PLD3: variants seen among roughly 807,000 people sequenced by gnomAD.
PLD3 encodes the protein phospholipase D family member 3, also known as 5'-3' exonuclease PLD3.
Under a neutral mutation model 58.4 loss-of-function variants are expected in PLD3, and 31 were observed. The observed-to-expected ratio is 0.53, with a 90% CI of 0.40 to 0.72. The LOEUF is 0.72. Ranked by LOEUF, PLD3 falls within the 30% of genes least tolerant of loss-of-function variation. The pLI, the probability that PLD3 is intolerant of heterozygous loss-of-function variation, is 0.00. For synonymous variants in PLD3, 264 were observed against 273.4 expected (o/e 0.97, Z 0.34); for missense variants, 595 against 659.8 (o/e 0.90, Z 1.08).
chr19:40,376,472 G>A, intron 10 of PLD3, 137 bp from the exon 11 acceptor site: 1 of 775,342 alleles, frequency 1.3e-6, no homozygotes, highest in Non-Finnish European at 2.1e-6. Flanking sequence ...CAGGAACAGG[G>A]TCTGGGAGCC....
chr19:40,369,749 G>T, intron 6 of PLD3, 159 bp from the exon 7 acceptor site: 1 of 651,544 alleles, frequency 1.5e-6, no homozygotes, highest in Non-Finnish European at 2.5e-6. Flanking sequence ...AGATAAGGAA[G>T]TCTTTTAATA....
intron 1 of PLD3, among the ~76,000 whole-genome samples, chr19:40,352,413 G>C (rs2078542053): frequency 6.6e-6 from 1 of 152,162 alleles, no homozygotes; most frequent in African/African-American, 2.4e-5. Flanking sequence ...TACAGATGAT[G>C]AACAACAGGA....
Position 40,377,818 on chromosome 19 carries a change from G to C in PLD3, c.1218G>C (p.Gln406His), listed in dbSNP as rs1268904565. The change falls in exon 12 of 13, where the codon CAG becomes CAC. Residue 406 changes from glutamine to histidine, a missense_variant. Transcript: ENST00000409735. ...KLFVVPADEA[Q>H]ARIPYARVNH... ...TTGTGGTCCCCGCGGATGAGGCCCAGGCTCGAATCCCATATGCCCGTGTCA... is the reference window on the plus strand; with the variant it reads ...TTGTGGTCCCCGCGGATGAGGCCCACGCTCGAATCCCATATGCCCGTGTCA... The C allele has an allele frequency of 3.1e-6, 5 of 1,613,906 alleles. No individual in the cohort carries two copies. Among genetic ancestry groups the C allele is most frequent in the Non-Finnish European group, 4.2e-6 (5 of 1,179,900 alleles).
At chr19:40,370,502 A>C in intron 8 of PLD3, 2 of 278,186 alleles carry the variant, frequency 7.2e-6, no homozygotes, top group Non-Finnish European at 1.4e-5. Context: ...GTGAGACCCC[A>C]TCTCTACCAA....
At chr19:40,374,124 C>T (rs1600334716) in intron 9 of PLD3, among the ~76,000 whole-genome samples, 1 of 152,030 alleles carries the variant, frequency 6.6e-6, no homozygotes, top group African/African-American at 2.4e-5. Context: ...AGGCCATGTG[C>T]AGTGAGGCCC....
chr19:40,356,621 C>G (rs543059666), intron 1 of PLD3: 1 of 152,754 alleles, frequency 6.5e-6, no homozygotes, highest in Non-Finnish European at 1.5e-5. Context: ...AAATGGGGAC[C>G]TGGGGCAGGA....
chr19:40,374,768 C>T (rs1264835788), intron 10 of PLD3, 148 bp downstream of exon 10: 18 of 784,936 alleles, frequency 2.3e-5, no homozygotes, highest in African/African-American at 5.2e-5. Context: ...AGGAGGTGAC[C>T]GGAAGAAGGT....
Position 40,369,924 on chromosome 19 carries a change from G to C in PLD3, c.446G>C (p.Arg149Pro). The change falls in exon 7 of 13, where the codon CGG becomes CCG. Residue 149 changes from arginine (R) to proline (P), a missense_variant. Arg to Pro is a moderately radical substitution (Grantham distance 103). Coordinates refer to ENST00000409735, the MANE Select transcript of PLD3 (RefSeq NM_012268.4). The part of the protein sequence containing the change: ...PSAQQGEEVL[R>P]QLQTLAPKGV... ...TCCCCGCAGGGTGAGGAGGTCCTCC[G>C]GCAGCTGCAGACCCTGGCACCAAAG... 1 of 1,559,274 alleles carries C rather than the reference G, an allele frequency of 6.4e-7. No homozygotes were observed. Among genetic ancestry groups the C allele is most frequent in the Non-Finnish European group, 8.7e-7 (1 of 1,152,566 alleles).
rs574609978 is a variant in PLD3 at position 40,378,163 on chromosome 19, G to A, written c.1463G>A (p.Arg488His). 35 of 1,608,416 alleles carry A rather than the reference G, an allele frequency of 2.2e-5. No homozygotes were observed. The highest frequency in any genetic ancestry group is 6.7e-5 in the African/African-American group (5 of 74,972). ...GCTGACAGCGTGGGCAACGCCTGCC[G>A]CCTGCTCTGAGGCCCGATCCAGTGG... is the stretch of plus-strand genomic sequence containing the variant. ...TSADSVGNAC[R>H]LL is the part of the protein sequence containing the mutation. The change falls in exon 13 of 13, where the codon CGC (arginine) becomes CAC (histidine). Residue 488 changes from arginine (R) to histidine (H), a missense_variant. Physicochemically the swap from Arg to His is conservative, Grantham distance 29 (BLOSUM62 0). Transcript: ENST00000409735.
rs749338553 is a variant in PLD3, at chr19:40,378,061, G to A, written c.1361G>A (p.Gly454Asp). 2 of 1,613,864 alleles carry A rather than the reference G, an allele frequency of 1.2e-6. No homozygotes were observed. Among genetic ancestry groups the A allele is most frequent in the African/African-American group, 2.7e-5 (2 of 74,908 alleles). ...TSLLVTQNGR[G>D]GLRSQLEAIF... Reference sequence around the variant, plus strand: ...CTGCTGGTGACGCAGAATGGGAGGGGCGGCCTGCGGAGCCAGCTGGAGGCC... The same window carrying A: ...CTGCTGGTGACGCAGAATGGGAGGGACGGCCTGCGGAGCCAGCTGGAGGCC... Residue 454 changes from glycine to aspartate, a missense_variant, in exon 13 of 13, where the codon GGC (glycine) becomes GAC (aspartate). By Grantham distance (94) the Gly-to-Asp change is moderately conservative. Coordinates refer to ENST00000409735, the MANE Select transcript of PLD3 (RefSeq NM_012268.4).
rs186929154 is a variant in PLD3 at position 40,377,960 on chromosome 19, C to A, written c.1286-26C>A. ...CCAGGGGCGGCCCCCCGAGGGTGCC[C>A]TTATGCTCCACCCATTCCTCTCTAG... On this transcript the variant is annotated intron_variant, in intron 12 of 12. Coordinates refer to ENST00000409735, the MANE Select transcript of PLD3 (RefSeq NM_012268.4). The A allele has an allele frequency of 1.7e-5, 28 of 1,612,616 alleles. No homozygotes were observed. In the Admixed American group the frequency reaches 4.5e-4, roughly 26 times the overall value.
chr19:40,367,804 C>A lies in PLD3; in HGVS notation c.354C>A (p.Ser118Arg). The A allele has an allele frequency of 6.2e-7, 1 of 1,608,220 alleles. No homozygotes were observed. The highest frequency in any genetic ancestry group is 8.5e-7 in the Non-Finnish European group (1 of 1,177,708). The change falls in exon 6 of 13, where the codon AGC (serine) becomes AGA (arginine). Residue 118 changes from serine to arginine, a missense_variant. By Grantham distance (110) the Ser-to-Arg change is moderately radical (BLOSUM62 -1). Transcript: ENST00000409735. ...TGGGCCTGCTCGCCGGTGCGCACAG[C>A]AGCCTGGACATCGCCTCCTTCTACT... The part of the protein sequence containing the change: ...AWLGLLAGAH[S>R]SLDIASFYWT...
chr19:40,350,369 T>C (rs146547535), intron 1 of PLD3, among the ~76,000 whole-genome samples: 2 of 152,068 alleles, frequency 1.3e-5, no homozygotes, highest in African/African-American at 4.8e-5. Context: ...AAATTAATCA[T>C]TCTGCACATA....
intron 1 of PLD3, among the ~76,000 whole-genome samples, chr19:40,354,231 G>A (rs1229898457): frequency 6.6e-6 from 1 of 151,880 alleles, no homozygotes; most frequent in African/African-American, 2.4e-5. Context: ...ATGCCACCAG[G>A]CCCGGCTAAT....
At chr19:40,348,981 C>T (rs997654951) in intron 1 of PLD3, among the ~76,000 whole-genome samples, 3 of 151,902 alleles carry the variant, frequency 2.0e-5, no homozygotes, top group African/African-American at 7.3e-5. Flanking sequence ...CACTTAAATC[C>T]TCACAACTCC....
At chr19:40,370,367 C>A in intron 8 of PLD3, 130 bp downstream of exon 8, 1 of 1,050,814 alleles carries the variant, frequency 9.5e-7, no homozygotes, top group Non-Finnish European at 1.4e-6. Context: ...TCCTTCTTGC[C>A]TCCTACCAGG....
chr19:40,362,774 AC>A (rs2078818780), intron 1 of PLD3, among the ~76,000 whole-genome samples: 1 of 152,162 alleles, frequency 6.6e-6, no homozygotes, highest in Non-Finnish European at 1.5e-5. Flanking sequence ...AAAAGTTAAC[AC>A]AATAAGAAAA....
Position 40,369,866 on chromosome 19 carries a change from G to C in PLD3, c.430-42G>C, listed in dbSNP as rs1053727562. 4 of 1,511,064 alleles carry C rather than the reference G, an allele frequency of 2.6e-6. No individual in the cohort carries two copies. The African/African-American group carries it at 4.2e-5, about 16-fold the overall frequency. The allele number at this position is 1,511,064 out of a possible 1,614,324, so 93.6% of individuals were successfully genotyped here. A position where few individuals can be genotyped will look rare whatever the true frequency, so the allele number is the denominator to read the frequency against. On this transcript the variant is annotated intron_variant, in intron 6 of 12. Coordinates refer to ENST00000409735, the MANE Select transcript of PLD3 (RefSeq NM_012268.4). ...GGGCATTACCTTGTGGGGTTGGAGAGCTGGCTGGTCCAGCCCCTCAGAAGC... is the reference window on the plus strand; with the variant it reads ...GGGCATTACCTTGTGGGGTTGGAGACCTGGCTGGTCCAGCCCCTCAGAAGC...
chr19:40,349,913 G>A (rs1449386031), intron 1 of PLD3, among the ~76,000 whole-genome samples: 11 of 150,482 alleles, frequency 7.3e-5, no homozygotes, highest in Non-Finnish European at 1.6e-4. Context: ...AGCCGAGATC[G>A]CGCCATTGCA....
Sources: allele counts gnomAD v4.1 joint callset (sites outside exome capture counted in the v4.1 genomes callset), GRCh38; gene constraint gnomAD v4.1.1; transcripts MANE v1.5; gene names NCBI Gene and HGNC (gene_info 2026-07-23, HGNC 2026-07-21).